UBE2E2: variants seen among roughly 807,000 people sequenced by gnomAD.
UBE2E2 encodes the protein ubiquitin conjugating enzyme E2 E2, also known as ubiquitin-conjugating enzyme E2 E2.
Under a neutral mutation model 24.7 loss-of-function variants are expected in UBE2E2, and 6 were observed. That is an observed-to-expected ratio of 0.24 (90% CI 0.13 to 0.48). UBE2E2 has a LOEUF of 0.48. Ranked by LOEUF, UBE2E2 falls within the 20% of genes least tolerant of loss-of-function variation. UBE2E2 has a pLI of 0.99. For synonymous variants in UBE2E2, 104 were observed against 83.6 expected (o/e 1.24, Z -1.33); for missense variants, 169 against 245.0 (o/e 0.69, Z 2.07).
At chr3:23,322,522 C>T (rs1324769503) in intron 3 of UBE2E2, among the ~76,000 whole-genome samples, 1 of 152,026 alleles carries the variant, frequency 6.6e-6, no homozygotes, top group Non-Finnish European at 1.5e-5. Flanking sequence ...TTCTGTAAAG[C>T]TTCATAGTCT....
chr3:23,300,601 G>T (rs1156745640), intron 3 of UBE2E2, among the ~76,000 whole-genome samples: 4 of 152,220 alleles, frequency 2.6e-5, no homozygotes, highest in Non-Finnish European at 4.4e-5. Context: ...TAAGAATGTT[G>T]AATATTGGTC....
At chr3:23,416,377 C>T (rs961280450) in intron 3 of UBE2E2, among the ~76,000 whole-genome samples, 35 of 152,284 alleles carry the variant, frequency 2.3e-4, no homozygotes, top group African/African-American at 7.2e-4. Context: ...TGGATACTGG[C>T]GCTCACGCTC....
intron 3 of UBE2E2, among the ~76,000 whole-genome samples, chr3:23,398,829 C>A (rs1454210559): frequency 6.6e-6 from 1 of 151,958 alleles, no homozygotes; most frequent in Non-Finnish European, 1.5e-5. Flanking sequence ...GAAATCAAGT[C>A]CCAGAAACAC....
intron 3 of UBE2E2, among the ~76,000 whole-genome samples, chr3:23,453,709 C>T (rs1698616325): frequency 6.6e-6 from 1 of 152,110 alleles, no homozygotes; most frequent in Admixed American, 6.5e-5. Context: ...ACTGTGAATA[C>T]ATTTGTCATT....
chr3:23,214,808 A>G (rs1483559148), intron 2 of UBE2E2, among the ~76,000 whole-genome samples: 1 of 151,830 alleles, frequency 6.6e-6, no homozygotes, highest in East Asian at 1.9e-4. Context: ...GGAAAGTAAC[A>G]GTTTTTTTAT....
chr3:23,204,859 C>T (rs1238068303), intron 1 of UBE2E2: 1 of 701,074 alleles, frequency 1.4e-6, no homozygotes, highest in East Asian at 1.3e-4. Context: ...CAGAATTAAA[C>T]GCTTTCCTGT....
In UBE2E2 at chr3:23,361,484, A is replaced by G. The variant is rs1318100855; in HGVS notation, c.228-138124A>G. Among the ~76,000 whole-genome samples, 7 of 152,218 alleles carry G rather than the reference A, an allele frequency of 4.6e-5. 1 individual carries two copies. Among genetic ancestry groups the G allele is most frequent in the Non-Finnish European group, 1.0e-4 (7 of 68,040 alleles). ...AAAATGTGGTATATAGACACCATGG[A>G]CTACTACTCAGCCATTAAAAGGAAT... On this transcript the variant is annotated intron_variant, in intron 3 of 5. Coordinates refer to ENST00000396703, the MANE Select transcript of UBE2E2 (RefSeq NM_152653.4).
intron 3 of UBE2E2, among the ~76,000 whole-genome samples, chr3:23,291,599 C>T (rs1698766025): frequency 6.6e-6 from 1 of 151,474 alleles, no homozygotes; most frequent in Non-Finnish European, 1.5e-5. Context: ...CAGTGGTTCC[C>T]AAATTCATGG....
intron 3 of UBE2E2, among the ~76,000 whole-genome samples, chr3:23,284,405 A>G (rs1399259465): frequency 1.3e-5 from 2 of 152,140 alleles, no homozygotes; most frequent in African/African-American, 4.8e-5. Context: ...ACGTAAGGTG[A>G]TCTTATTCTT....
chr3:23,351,539 G>A (rs1010917435), intron 3 of UBE2E2, among the ~76,000 whole-genome samples: 21 of 152,114 alleles, frequency 1.4e-4, no homozygotes, highest in African/African-American at 1.9e-4. Context: ...ATGGAGGAAG[G>A]TCTACCAAGC....
intron 2 of UBE2E2, among the ~76,000 whole-genome samples, chr3:23,213,290 T>C (rs938358538): frequency 2.0e-5 from 3 of 152,118 alleles, no homozygotes; most frequent in Non-Finnish European, 4.4e-5. Context: ...TCTGAACCCT[T>C]AGCCCAATAT....
At chr3:23,350,050 C>T (rs145313735) in intron 3 of UBE2E2, among the ~76,000 whole-genome samples, 10,744 of 152,212 alleles carry the variant, frequency 0.071, 503 homozygotes, top group Non-Finnish European at 0.088. Context: ...TCCAAAGGAA[C>T]GATCAGACAG....
chr3:23,517,996 G>T (rs898731810), intron 4 of UBE2E2, among the ~76,000 whole-genome samples: 5 of 151,982 alleles, frequency 3.3e-5, no homozygotes, highest in Admixed American at 3.3e-4. Flanking sequence ...ACACAATTCT[G>T]AGTCATTCTT....
chr3:23,577,922 GT>G (rs1175351015), intron 5 of UBE2E2, among the ~76,000 whole-genome samples: 1 of 151,254 alleles, frequency 6.6e-6, no homozygotes, highest in African/African-American at 2.4e-5. Flanking sequence ...TGCTCTCTGA[GT>G]GGAAGAACAA....
intron 3 of UBE2E2, among the ~76,000 whole-genome samples, chr3:23,467,086 T>C (rs1408847943): frequency 4.6e-5 from 7 of 152,172 alleles, no homozygotes; most frequent in Non-Finnish European, 1.0e-4. Flanking sequence ...TAGGTATTTA[T>C]TTAGGAAGTA....
intron 1 of UBE2E2, among the ~76,000 whole-genome samples, chr3:23,204,083 T>C (rs1426590033): frequency 1.3e-5 from 2 of 152,100 alleles, no homozygotes; most frequent in Non-Finnish European, 2.9e-5. Context: ...GTCTCTTCTC[T>C]GCAGCCCCCA....
chr3:23,580,232 T>C (rs1202914727), intron 5 of UBE2E2, among the ~76,000 whole-genome samples: 1 of 152,214 alleles, frequency 6.6e-6, no homozygotes, highest in African/African-American at 2.4e-5. Context: ...GTAAGTGAAA[T>C]ACTGTCAAAC....
chr3:23,550,301 T>C (rs1055730356), intron 5 of UBE2E2, among the ~76,000 whole-genome samples: 1 of 152,174 alleles, frequency 6.6e-6, no homozygotes, highest in African/African-American at 2.4e-5. Context: ...ACCTATAATG[T>C]ACAAACTGTA....
At chr3:23,367,947 T>G (rs1172271331) in intron 3 of UBE2E2, among the ~76,000 whole-genome samples, 5 of 152,292 alleles carry the variant, frequency 3.3e-5, no homozygotes, top group Admixed American at 2.0e-4. Flanking sequence ...AGAAATCTTC[T>G]GTGTTGATTT....
Sources: allele counts gnomAD v4.1 joint callset (sites outside exome capture counted in the v4.1 genomes callset), GRCh38; gene constraint gnomAD v4.1.1; transcripts MANE v1.5; gene names NCBI Gene and HGNC (gene_info 2026-07-23, HGNC 2026-07-21).